OTUB2: variants seen among roughly 807,000 people sequenced by gnomAD.
The protein encoded by OTUB2 is ubiquitin thioesterase OTUB2.
A neutral mutation model predicts 25.1 loss-of-function variants in OTUB2; 21 were observed. That is an observed-to-expected ratio of 0.84 (90% CI 0.59 to 1.21). The LOEUF is 1.21. OTUB2 is among the 50% of genes most tolerant of loss of function. OTUB2 has a pLI of 0.00. For missense variants in OTUB2, 283 were observed against 298.0 expected, an observed-to-expected ratio of 0.95 and a Z score of 0.37; for synonymous variants, 122 against 122.8, an observed-to-expected ratio of 0.99 and a Z score of 0.04.
At position 94,027,021 on chromosome 14, in the gene OTUB2, C is replaced by A. The variant is rs1884878061; in HGVS notation, c.3+481C>A. On this transcript the variant is annotated intron_variant, in intron 1 of 5. Transcript: ENST00000203664. ...GGGGTTGCACGGGGCACCAGGTCGT[C>A]TGCTCCGTGGGCGACTAGACCGTCT... Among the ~76,000 whole-genome samples, 8 of 152,386 alleles carry A rather than the reference C, an allele frequency of 5.2e-5. 1 individual carries two copies. In the South Asian group the frequency reaches 1.7e-3, roughly 32 times the overall value.
intron 3 of OTUB2, among the ~76,000 whole-genome samples, chr14:94,043,318 C>T (rs1422798083): frequency 3.9e-5 from 6 of 152,228 alleles, no homozygotes; most frequent in African/African-American, 9.6e-5. Context: ...CACCCAGGGC[C>T]GCTCACCTGG....
chr14:94,047,305 G>C lies in OTUB2; in HGVS notation c.*1383G>C, dbSNP rs1445609990. On this transcript the variant is annotated 3_prime_UTR_variant, in exon 6 of 6. Coordinates refer to ENST00000203664, the MANE Select transcript of OTUB2 (RefSeq NM_023112.4). The stretch of plus-strand genomic sequence containing the variant: ...CTGACTGCACAAGGACTGGGTAGCA[G>C]ACTCCTCAGAGTCCTCTTGACACAA... 1 of 152,170 alleles carries C rather than the reference G, an allele frequency of 6.6e-6. No individual in the cohort carries two copies. The highest frequency in any genetic ancestry group is 1.5e-5 in the Non-Finnish European group (1 of 68,040). 9.4% of individuals were successfully genotyped at this position (152,170 alleles called of 1,614,324 possible). A position where few individuals can be genotyped will look rare whatever the true frequency, so the allele number is the denominator to read the frequency against.
At chr14:94,040,650 C>T (rs1262546143) in intron 3 of OTUB2, among the ~76,000 whole-genome samples, 8 of 152,258 alleles carry the variant, frequency 5.3e-5, no homozygotes, top group Admixed American at 2.0e-4. Flanking sequence ...TGTCTCCCCA[C>T]TCCAGTCAGC....
rs1286578478 is a variant in OTUB2, at chr14:94,038,580, C to G, written c.100-383C>G. Among the ~76,000 whole-genome samples, 3 of 151,234 alleles carry G rather than the reference C, an allele frequency of 2.0e-5. No homozygotes were observed. In the East Asian group the frequency reaches 5.9e-4, roughly 30 times the overall value. On this transcript the variant is annotated intron_variant, in intron 2 of 5. Transcript: ENST00000203664. ...CCCGCCCCTGCTCACACATGCAACC[C>G]CCTACCCCCTACTTCTGCCAGCTCC...
chr14:94,041,801 G>A (rs1352128285), intron 3 of OTUB2, among the ~76,000 whole-genome samples: 6 of 152,188 alleles, frequency 3.9e-5, no homozygotes, highest in Non-Finnish European at 4.4e-5. Context: ...CTTCTGACCC[G>A]GCTGTGGGTT....
intron 3 of OTUB2, among the ~76,000 whole-genome samples, chr14:94,043,317 C>T (rs183122478): frequency 3.2e-3 from 489 of 152,344 alleles, no homozygotes; most frequent in Non-Finnish European, 5.1e-3. Flanking sequence ...TCACCCAGGG[C>T]CGCTCACCTG....
chr14:94,035,286 C>CTTTTTTTTTT (rs761154708), intron 1 of OTUB2, among the ~76,000 whole-genome samples: 2 of 104,036 alleles, frequency 1.9e-5, no homozygotes, highest in Admixed American at 1.1e-4. Context: ...TTTTTCTTTT[C>CTTTTTTTTTT]TTTTTTTTTT....
intron 1 of OTUB2, among the ~76,000 whole-genome samples, chr14:94,034,063 G>A (rs761825817): frequency 6.6e-6 from 1 of 152,242 alleles, no homozygotes; most frequent in Non-Finnish European, 1.5e-5. Flanking sequence ...CCACTCTTGA[G>A]AAGAGAGACT....
In OTUB2 at chr14:94,048,915, A is replaced by G. The variant is rs184175725; in HGVS notation, c.*2993A>G. 4.6e-5 allele frequency: 7 copies of G among 152,396 alleles called. No individual in the cohort carries two copies. Among genetic ancestry groups the G allele is most frequent in the African/African-American group, 1.7e-4 (7 of 41,590 alleles). The allele number at this position is 152,396 out of a possible 1,614,324, so 9.4% of individuals were successfully genotyped here. A position where few individuals can be genotyped will look rare whatever the true frequency, so the allele number is the denominator to read the frequency against. ...TAAGTAAAAACATTCTCCTAGCATT[A>G]AAATGGTTTCCATAACTACTTTTGT... is the stretch of plus-strand genomic sequence containing the variant. On this transcript the variant is annotated 3_prime_UTR_variant, in exon 6 of 6. Transcript: ENST00000203664.
At chr14:94,026,579 G>C in intron 1 of OTUB2, 39 bp downstream of exon 1, 1 of 1,233,874 alleles carries the variant, frequency 8.1e-7, no homozygotes, top group South Asian at 3.9e-5. Flanking sequence ...GGAGCGGGCA[G>C]GGGGCGCGGT....
rs757356261 is a variant in OTUB2, at chr14:94,044,675, C to T, written c.393C>T (p.Ile131=). ...ACGACCAGAGTGCCTCGGACCACAT[C>T]GTGCAGTTCCTGCGCCTGCTCACGT... ...VFNDQSASDH[I]VQFLRLLTSA... is the part of the protein sequence containing the mutation. The change falls in exon 5 of 6, where the codon ATC becomes ATT. Residue 131 remains isoleucine (I), a synonymous_variant. Transcript: ENST00000203664. The T allele has an allele frequency of 8.1e-6, 13 of 1,614,182 alleles. No individual in the cohort carries two copies. Among genetic ancestry groups the T allele is most frequent in the South Asian group, 4.4e-5 (4 of 91,088 alleles).
At chr14:94,043,913 C>T in intron 3 of OTUB2, 58 bp from the exon 4 acceptor site, 1 of 1,502,224 alleles carries the variant, frequency 6.7e-7, no homozygotes, top group South Asian at 1.1e-5. Context: ...CGCACAGTTG[C>T]CAATCACAGC....
chr14:94,045,694 G>A, intron 5 of OTUB2, 22 bp from the exon 6 acceptor site: 1 of 1,612,184 alleles, frequency 6.2e-7, no homozygotes, highest in Non-Finnish European at 8.5e-7. Context: ...AAGCTGGCTT[G>A]TTTTCATTTT....
chr14:94,036,466 C>G (rs553906792), intron 1 of OTUB2, among the ~76,000 whole-genome samples: 5 of 152,142 alleles, frequency 3.3e-5, no homozygotes, highest in African/African-American at 9.6e-5. Flanking sequence ...GCAATCAAAG[C>G]GGCTCTGGGT....
At chr14:94,034,903 C>A (rs10131610) in intron 1 of OTUB2, among the ~76,000 whole-genome samples, 23,276 of 152,174 alleles carry the variant, frequency 0.15, 2,111 homozygotes, top group African/African-American at 0.25. Flanking sequence ...CCCATAGCTG[C>A]AAGGGAGGCT....
At chr14:94,037,211 G>A (rs1377501612) in intron 1 of OTUB2, among the ~76,000 whole-genome samples, 169 bp from the exon 2 acceptor site, 2 of 152,142 alleles carry the variant, frequency 1.3e-5, no homozygotes, top group South Asian at 2.1e-4. Flanking sequence ...TGGAAATGCG[G>A]TGATCCCAAC....
chr14:94,030,357 C>T (rs893777957), intron 1 of OTUB2, among the ~76,000 whole-genome samples: 1 of 148,850 alleles, frequency 6.7e-6, no homozygotes, highest in Non-Finnish European at 1.5e-5. Context: ...GGGTGGGGGG[C>T]GAGGTGGGCA....
At chr14:94,036,906 G>C (rs576688723) in intron 1 of OTUB2, among the ~76,000 whole-genome samples, 9 of 152,312 alleles carry the variant, frequency 5.9e-5, no homozygotes, top group Admixed American at 5.9e-4. Flanking sequence ...GAGCCTTGTG[G>C]GTGAGGGAGT....
intron 2 of OTUB2, 130 bp from the exon 3 acceptor site, chr14:94,038,833 G>T (rs1885105882): frequency 1.2e-6 from 1 of 823,652 alleles, no homozygotes; most frequent in Non-Finnish European, 2.1e-6. Flanking sequence ...GAGGCTGAGG[G>T]GATAGCAGCC....
Sources: allele counts gnomAD v4.1 joint callset (sites outside exome capture counted in the v4.1 genomes callset), GRCh38; gene constraint gnomAD v4.1.1; transcripts MANE v1.5; gene names NCBI Gene and HGNC (gene_info 2026-07-23, HGNC 2026-07-21).